The following TMEM175 variants were observed in gnomAD, a reference collection of about 807,000 sequenced individuals.
The protein encoded by TMEM175 is endosomal/lysosomal proton channel TMEM175.
A neutral mutation model predicts 36.5 loss-of-function variants in TMEM175; 36 were observed. The ratio of observed to expected loss-of-function variants is 0.99; its 90% CI spans 0.76 to 1.30. The LOEUF is 1.30. Among genes scored for constraint, TMEM175 ranks in the 50% most tolerant of loss-of-function variants. The pLI is 0.00. For missense variants in TMEM175, 705 were observed against 692.8 expected (o/e 1.02, Z -0.20); for synonymous variants, 339 against 313.4 (o/e 1.08, Z -0.86).
Position 932,602 on chromosome 4 carries a change from G to A in TMEM175, c.-32+62G>A, listed in dbSNP as rs1440650248. On this transcript the variant is annotated intron_variant, in intron 1 of 10. Coordinates refer to ENST00000264771, the MANE Select transcript of TMEM175 (RefSeq NM_032326.4). This position sits in a 1 kb window ranked among gnomAD's most constrained non-coding sequence, Gnocchi z 4.0. ...CCCCACATGGTCTGTTTTGTGGGAG[G>A]CTCCTTCTCAGGTGTCTCCGGTTTA... 2.6e-6 allele frequency: 1 copy of A among 386,398 alleles called. No individual in the cohort carries two copies. Among genetic ancestry groups the A allele is most frequent in the African/African-American group, 2.1e-5 (1 of 48,004 alleles). 23.9% of individuals were successfully genotyped at this position (386,398 alleles called of 1,614,324 possible).
intron 1 of TMEM175, among the ~76,000 whole-genome samples, chr4:946,804 C>T (rs994982557): frequency 2.0e-5 from 3 of 152,182 alleles, no homozygotes; most frequent in Non-Finnish European, 4.4e-5. Flanking sequence ...CCTTGGTTTC[C>T]CCAAAGGTCA....
chr4:955,984 G>C (rs989534192), intron 10 of TMEM175, 94 bp downstream of exon 10: 12 of 1,467,934 alleles, frequency 8.2e-6, no homozygotes, highest in Non-Finnish European at 1.1e-5. Flanking sequence ...AAGGCACAGG[G>C]GTCTTGGCTC....
chr4:947,676 C>T, intron 1 of TMEM175, 33 bp from the exon 2 acceptor site: 1 of 1,540,924 alleles, frequency 6.5e-7, no homozygotes, highest in Non-Finnish European at 8.8e-7. Context: ...AGGAGCGCCC[C>T]ACAGGCACAC....
intron 1 of TMEM175, chr4:945,963 G>C (rs1275682181): frequency 6.6e-6 from 1 of 152,166 alleles, no homozygotes; most frequent in African/African-American, 2.4e-5. Flanking sequence ...ACCTTTGAAG[G>C]CTGCAGCTCC....
chr4:947,615 C>CA (rs1728344275), intron 1 of TMEM175, 94 bp from the exon 2 acceptor site: 1 of 945,782 alleles, frequency 1.1e-6, no homozygotes. Context: ...AGCCCCCCCC[C>CA]ATACCAGTCC....
At chr4:948,729 C>T (rs1728501164) in intron 3 of TMEM175, 1 of 1,125,414 alleles carries the variant, frequency 8.9e-7, no homozygotes, top group Non-Finnish European at 1.1e-6. Flanking sequence ...CCCACACCTG[C>T]CTGGCTCTGT....
chr4:953,155 T>A, intron 7 of TMEM175, 35 bp from the exon 8 acceptor site: 2 of 1,566,464 alleles, frequency 1.3e-6, no homozygotes, highest in Non-Finnish European at 1.7e-6. Flanking sequence ...CCTCTGCTCT[T>A]GGGGCCTGTG....
chr4:957,149 C>G (rs967543466), intron 10 of TMEM175, among the ~76,000 whole-genome samples: 1 of 152,242 alleles, frequency 6.6e-6, no homozygotes, highest in African/African-American at 2.4e-5. Context: ...TGCCTCCAGT[C>G]TGTCTCCTGC....
chr4:940,551 T>C (rs1020238442), intron 1 of TMEM175, among the ~76,000 whole-genome samples: 2 of 151,848 alleles, frequency 1.3e-5, no homozygotes, highest in Non-Finnish European at 2.9e-5. Context: ...TTCTGTATGA[T>C]ACTGTTTTGG....
chr4:956,070 G>A (rs901684184), intron 10 of TMEM175, 180 bp downstream of exon 10: 65 of 839,698 alleles, frequency 7.7e-5, no homozygotes, highest in Admixed American at 2.6e-4. Flanking sequence ...CCTTCCCGGC[G>A]GCCCCTCCCT....
rs958671178 is a variant in TMEM175, at chr4:949,784, C to T, written c.193-637C>T. On this transcript the variant is annotated intron_variant, in intron 3 of 10. Transcript: ENST00000264771. Reference sequence around the variant, plus strand: ...AGGGCAGGCTGCCTTCGGGGTCCCTCGCAGCTTCCACAGAGACCCTTTCCC... The same window carrying T: ...AGGGCAGGCTGCCTTCGGGGTCCCTTGCAGCTTCCACAGAGACCCTTTCCC... 6.6e-5 allele frequency among the ~76,000 whole-genome samples: 10 copies of T among 152,206 alleles called. No homozygotes were observed. The East Asian group carries it at 7.8e-4, about 12-fold the overall frequency.
chr4:936,930 C>T (rs1726855324), intron 1 of TMEM175, among the ~76,000 whole-genome samples: 1 of 151,726 alleles, frequency 6.6e-6, no homozygotes, highest in African/African-American at 2.4e-5. Flanking sequence ...GCACTCCAGT[C>T]TAGCGACACA....
At chr4:946,879 A>G (rs1428353699) in intron 1 of TMEM175, among the ~76,000 whole-genome samples, 8 of 139,386 alleles carry the variant, frequency 5.7e-5, no homozygotes, top group Admixed American at 7.0e-5. Context: ...GCCGAGACCG[A>G]GGGAGAGCGC....
intron 1 of TMEM175, among the ~76,000 whole-genome samples, chr4:939,257 T>C (rs1450790180): frequency 1.3e-5 from 2 of 152,222 alleles, no homozygotes; most frequent in East Asian, 3.8e-4. Flanking sequence ...CAAATGATAC[T>C]GGAAAAATTG....
rs1239111419 is a variant in TMEM175 at position 932,664 on chromosome 4, G to T, written c.-32+124G>T. 6.4e-6 allele frequency: 2 copies of T among 314,080 alleles called. No individual in the cohort carries two copies. Among genetic ancestry groups the T allele is most frequent in the Non-Finnish European group, 1.2e-5 (2 of 172,026 alleles). The allele number at this position is 314,080 out of a possible 1,614,324, so 19.5% of individuals were successfully genotyped here. On this transcript the variant is annotated intron_variant, in intron 1 of 10. Coordinates refer to ENST00000264771, the MANE Select transcript of TMEM175 (RefSeq NM_032326.4). The surrounding 1 kb of genome is among the most constrained non-coding windows in gnomAD (Gnocchi z 4.0). Reference sequence around the variant, plus strand: ...ATCCTCTGGGTGGAGTCAGCCTCCCGTTTGCTGTTAGCGCCGCGTTTGCGA... The same window carrying T: ...ATCCTCTGGGTGGAGTCAGCCTCCCTTTTGCTGTTAGCGCCGCGTTTGCGA...
chr4:944,421 T>A (rs181911831), intron 1 of TMEM175, among the ~76,000 whole-genome samples: 6 of 152,314 alleles, frequency 3.9e-5, no homozygotes, highest in Non-Finnish European at 7.4e-5. Context: ...TTTGCTGGAT[T>A]GTGGCTAGCT....
At chr4:945,977 C>G (rs944657611) in intron 1 of TMEM175, 6 of 152,334 alleles carry the variant, frequency 3.9e-5, no homozygotes, top group African/African-American at 1.4e-4. Flanking sequence ...CAGCTCCAGC[C>G]TGACTCCTTC....
At chr4:953,121 G>A (rs543265639) in intron 7 of TMEM175, 69 bp from the exon 8 acceptor site, 14 of 1,493,898 alleles carry the variant, frequency 9.4e-6, no homozygotes, top group African/African-American at 5.6e-5. Context: ...CATGCAGCCC[G>A]GGGGTTGACT....
chr4:942,925 C>T (rs112093537), intron 1 of TMEM175, among the ~76,000 whole-genome samples: 7,670 of 152,188 alleles, frequency 0.05, 282 homozygotes, highest in Middle Eastern at 0.13. Context: ...CAGGTGTGAG[C>T]CACTGCGCCC....
Sources: allele counts gnomAD v4.1 joint callset (sites outside exome capture counted in the v4.1 genomes callset), GRCh38; gene constraint gnomAD v4.1.1; non-coding constraint Gnocchi (gnomAD v3.1); transcripts MANE v1.5; gene names NCBI Gene and HGNC (gene_info 2026-07-23, HGNC 2026-07-21).